The following CSMD1 variants were observed in gnomAD, a reference collection of about 807,000 sequenced individuals.
CSMD1 encodes CUB and sushi domain-containing protein 1.
In CSMD1, 213 loss-of-function variants were observed where a neutral mutation model predicts 417.5. The observed-to-expected ratio is 0.51, with a 90% CI of 0.46 to 0.57. The LOEUF (loss-of-function observed/expected upper bound fraction) is 0.57, where lower values mean the gene tolerates loss of function less well. CSMD1 is among the 20% of genes least tolerant of loss of function. The probability of loss-of-function intolerance (pLI) is 0.00; values close to 1 mark genes in which losing one functional copy is unlikely to be tolerated. For missense variants in CSMD1, 6,923 were observed against 4,529.7 expected (o/e 1.53, Z -15.17); for synonymous variants, 2,862 against 1,736.8 (o/e 1.65, Z -16.11).
At chr8:4,109,796 C>G (rs1381457189) in intron 3 of CSMD1, among the ~76,000 whole-genome samples, 1 of 151,856 alleles carries the variant, frequency 6.6e-6, no homozygotes, top group Non-Finnish European at 1.5e-5. Flanking sequence ...GACTGAGAGA[C>G]TAAACAAAAA....
At chr8:3,749,753 T>G (rs7007853) in intron 6 of CSMD1, among the ~76,000 whole-genome samples, 2 of 152,004 alleles carry the variant, frequency 1.3e-5, no homozygotes, top group South Asian at 2.1e-4. Flanking sequence ...TCACGAAATA[T>G]TGTATGTGAG....
rs534996642 is a variant in CSMD1 at position 4,458,559 on chromosome 8, C to G, written c.303-38494G>C. Among the ~76,000 whole-genome samples, 15 of 152,072 alleles carry G rather than the reference C, an allele frequency of 9.9e-5. 2 individuals carry two copies. The South Asian group carries it at 1.5e-3, about 15-fold the overall frequency. The stretch of plus-strand genomic sequence containing the variant: ...TATTTTCTTAATGTTAACTGTTACT[C>G]TTTGAAAGACATTGTAACAGTAAAT... On this transcript the variant is annotated intron_variant, in intron 2 of 69. Coordinates refer to ENST00000635120, the MANE Select transcript of CSMD1 (RefSeq NM_033225.6).
At chr8:3,648,125 C>T (rs1034040072) in intron 7 of CSMD1, among the ~76,000 whole-genome samples, 1 of 152,172 alleles carries the variant, frequency 6.6e-6, no homozygotes, top group East Asian at 1.9e-4. Flanking sequence ...ACAGAACCTA[C>T]CACTTTACTA....
rs146586108 is a variant in CSMD1, at chr8:4,900,879, G to C, written c.85+93453C>G. On this transcript the variant is annotated intron_variant, in intron 1 of 69. Coordinates refer to ENST00000635120, the MANE Select transcript of CSMD1 (RefSeq NM_033225.6). ...TGCACACTTCCTTCAGTCGAGCACA[G>C]TCACCGTAAGGGCAGGTGCACCACT... 1.3e-4 allele frequency among the ~76,000 whole-genome samples: 20 copies of C among 152,302 alleles called. No homozygotes were observed. The East Asian group carries it at 3.9e-3, about 29-fold the overall frequency.
chr8:3,265,932 C>T (rs112949310), intron 26 of CSMD1, among the ~76,000 whole-genome samples: 22 of 151,966 alleles, frequency 1.4e-4, no homozygotes, highest in African/African-American at 5.1e-4. Context: ...AGCACTTGGC[C>T]AGGGAAAGGG....
At chr8:4,016,517 T>G (rs571459405) in intron 4 of CSMD1, among the ~76,000 whole-genome samples, 2 of 152,172 alleles carry the variant, frequency 1.3e-5, no homozygotes, top group South Asian at 4.1e-4. Context: ...AAGGTTTTAG[T>G]GAAGGATCTG....
At chr8:4,926,803 A>G (rs371231813) in intron 1 of CSMD1, among the ~76,000 whole-genome samples, 5 of 152,186 alleles carry the variant, frequency 3.3e-5, no homozygotes, top group African/African-American at 1.2e-4. Flanking sequence ...GCCTACTGCT[A>G]TTTTGTGTTT....
chr8:2,968,222 C>A (rs1804141032), intron 57 of CSMD1, among the ~76,000 whole-genome samples: 1 of 152,236 alleles, frequency 6.6e-6, no homozygotes, highest in Admixed American at 6.5e-5. Context: ...ATATTCCTCA[C>A]TTACTGTGCA....
In CSMD1 at chr8:3,387,512, C is replaced by CGTG; in HGVS notation, c.2761_2763dup (p.His921dup). On this transcript the variant is annotated inframe_insertion, in exon 18 of 70. Transcript: ENST00000635120. ...TACCTACCGTCGCAGCTGGGCAAGG[C>CGTG]GTGGTTCCACTGGTGGTTCCTCTCA... The CGTG allele has an allele frequency of 1.2e-6, 2 of 1,600,968 alleles. No homozygotes were observed.
At chr8:3,261,810 G>T (rs1801079803) in intron 26 of CSMD1, among the ~76,000 whole-genome samples, 1 of 152,142 alleles carries the variant, frequency 6.6e-6, no homozygotes, top group Non-Finnish European at 1.5e-5. Flanking sequence ...AAGTCTGGAA[G>T]TACAGAATAG....
chr8:4,210,281 T>G (rs1519167), intron 3 of CSMD1, among the ~76,000 whole-genome samples: 17,733 of 152,268 alleles, frequency 0.12, 1,289 homozygotes, highest in Middle Eastern at 0.16. Flanking sequence ...TTTGATGCTT[T>G]CATTTTCATC....
intron 2 of CSMD1, among the ~76,000 whole-genome samples, chr8:4,575,291 G>A (rs930919509): frequency 1.2e-4 from 18 of 152,284 alleles, no homozygotes; most frequent in African/African-American, 4.3e-4. Context: ...TATGATTGGT[G>A]TCCCTGTCCT....
At chr8:3,263,916 T>C (rs1585848814) in intron 26 of CSMD1, among the ~76,000 whole-genome samples, 1 of 152,234 alleles carries the variant, frequency 6.6e-6, no homozygotes, top group African/African-American at 2.4e-5. Context: ...AAAAACACTT[T>C]TTACCTAATG....
chr8:2,981,458 T>C (rs1006393979), intron 54 of CSMD1, among the ~76,000 whole-genome samples: 7 of 152,196 alleles, frequency 4.6e-5, no homozygotes, highest in African/African-American at 7.2e-5. Flanking sequence ...CTGTTAAGTA[T>C]AGGGTAATGC....
Position 4,899,602 on chromosome 8 carries a change from G to A in CSMD1, c.85+94730C>T, listed in dbSNP as rs187320866. On this transcript the variant is annotated intron_variant, in intron 1 of 69. Transcript: ENST00000635120. ...AAAGTCAATATTTTTTCTTCTAGAA[G>A]TTACCTGTGGTTACATAACATATAG... Among the ~76,000 whole-genome samples the A allele has an allele frequency of 3.0e-3, 459 of 152,214 alleles. 2 individuals are homozygous for A. The highest frequency in any genetic ancestry group is 6.4e-3 in the South Asian group (31 of 4,826).
At chr8:4,148,620 G>A (rs1460937570) in intron 3 of CSMD1, among the ~76,000 whole-genome samples, 1 of 152,152 alleles carries the variant, frequency 6.6e-6, no homozygotes, top group African/African-American at 2.4e-5. Flanking sequence ...TGTGTAGACA[G>A]TAGCTGCTCC....
At chr8:3,089,755 T>C (rs1431884685) in intron 48 of CSMD1, among the ~76,000 whole-genome samples, 1 of 151,588 alleles carries the variant, frequency 6.6e-6, no homozygotes, top group East Asian at 1.9e-4. Flanking sequence ...CCTCTCTTTC[T>C]CTCTCTCTCT....
chr8:4,668,076 C>T (rs889103124), intron 1 of CSMD1, among the ~76,000 whole-genome samples: 1 of 152,130 alleles, frequency 6.6e-6, no homozygotes, highest in Non-Finnish European at 1.5e-5. Context: ...TTAATTTGAC[C>T]TAATCTTATT....
intron 2 of CSMD1, among the ~76,000 whole-genome samples, chr8:4,437,509 G>A (rs994641933): frequency 3.9e-5 from 6 of 152,044 alleles, no homozygotes; most frequent in Admixed American, 6.6e-5. Context: ...ACATAGCCGC[G>A]TATGTATTTT....
Sources: allele counts gnomAD v4.1 joint callset (sites outside exome capture counted in the v4.1 genomes callset), GRCh38; gene constraint gnomAD v4.1.1; transcripts MANE v1.5; gene names NCBI Gene and HGNC (gene_info 2026-07-23, HGNC 2026-07-21).